Variants in SLCO6A1 observed in about 807,000 individuals in gnomAD.
SLCO6A1 encodes cancer/testis antigen 48.
In SLCO6A1, 65 loss-of-function variants were observed where a neutral mutation model predicts 72.7. That is an observed-to-expected ratio of 0.89 (90% confidence interval 0.73 to 1.10). The LOEUF (loss-of-function observed/expected upper bound fraction) is 1.10, where lower values mean the gene tolerates loss of function less well. SLCO6A1 is among the 50% of genes least tolerant of loss of function. SLCO6A1 has a pLI of 0.00. For missense variants in SLCO6A1, 874 were observed against 872.6 expected, an observed-to-expected ratio of 1.00 and a Z score of -0.02; for synonymous variants, 314 against 298.2, an observed-to-expected ratio of 1.05 and a Z score of -0.55.
intron 1 of SLCO6A1, among the ~76,000 whole-genome samples, chr5:102,492,657 C>T (rs560778402): frequency 1.2e-4 from 19 of 152,228 alleles, no homozygotes; most frequent in South Asian, 6.2e-4. Context: ...CGGTGACAGA[C>T]GGCACCTGGA....
At chr5:102,384,664 C>A (rs1580328442) in intron 12 of SLCO6A1, among the ~76,000 whole-genome samples, 1 of 152,120 alleles carries the variant, frequency 6.6e-6, no homozygotes, top group African/African-American at 2.4e-5. Flanking sequence ...ATTTACTTAA[C>A]ATATTACTGT....
intron 9 of SLCO6A1, among the ~76,000 whole-genome samples, chr5:102,406,139 C>G (rs1283694065): frequency 6.7e-6 from 1 of 150,308 alleles, no homozygotes; most frequent in Non-Finnish European, 1.5e-5. Context: ...ATACTGATAA[C>G]TCTATTAAAT....
chr5:102,476,084 A>C (rs1751884405), intron 3 of SLCO6A1, among the ~76,000 whole-genome samples: 1 of 152,076 alleles, frequency 6.6e-6, no homozygotes, highest in Non-Finnish European at 1.5e-5. Flanking sequence ...TGAGGGATAA[A>C]AGACTGCACA....
chr5:102,485,159 G>A (rs575501368), intron 1 of SLCO6A1, among the ~76,000 whole-genome samples: 3 of 152,208 alleles, frequency 2.0e-5, no homozygotes, highest in Non-Finnish European at 2.9e-5. Flanking sequence ...ACTGAGGCAG[G>A]AGAATCGTTT....
chr5:102,480,154 G>T (rs1752113080), intron 2 of SLCO6A1, 23 bp downstream of exon 2: 1 of 1,573,876 alleles, frequency 6.4e-7, no homozygotes, highest in South Asian at 1.2e-5. Context: ...TTTGATGTAT[G>T]ACAGTATATT....
At chr5:102,382,954 G>GAT (rs149196809) in intron 12 of SLCO6A1, among the ~76,000 whole-genome samples, 4 of 141,578 alleles carry the variant, frequency 2.8e-5, no homozygotes, top group African/African-American at 1.1e-4. Flanking sequence ...ATATATGAGA[G>GAT]ATATATATAT....
At chr5:102,401,962 A>G (rs1747421112) in intron 9 of SLCO6A1, among the ~76,000 whole-genome samples, 1 of 152,116 alleles carries the variant, frequency 6.6e-6, no homozygotes, top group African/African-American at 2.4e-5. Flanking sequence ...TTTTAGCCAT[A>G]CAAGATGGCT....
chr5:102,383,095 A>ATATATAT (rs1554064835), intron 12 of SLCO6A1, among the ~76,000 whole-genome samples: 2,582 of 128,552 alleles, frequency 0.02, 137 homozygotes, highest in African/African-American at 0.071. Context: ...TATGTGTGTG[A>ATATATAT]ATATATATAT....
At chr5:102,404,324 T>C (rs888628376) in intron 9 of SLCO6A1, among the ~76,000 whole-genome samples, 1 of 152,070 alleles carries the variant, frequency 6.6e-6, no homozygotes, top group Admixed American at 6.5e-5. Flanking sequence ...TGAAACCCCA[T>C]CTCTACTAAA....
intron 6 of SLCO6A1, among the ~76,000 whole-genome samples, chr5:102,439,050 T>A (rs1277322384): frequency 6.6e-6 from 1 of 151,988 alleles, no homozygotes; most frequent in Non-Finnish European, 1.5e-5. Flanking sequence ...GGCTTGGAAT[T>A]TTTTTGTAAA....
intron 6 of SLCO6A1, among the ~76,000 whole-genome samples, chr5:102,445,459 T>G (rs1750057869): frequency 2.0e-5 from 3 of 152,122 alleles, no homozygotes; most frequent in African/African-American, 7.2e-5. Flanking sequence ...TGCTGATTTG[T>G]TTGAGTTATT....
intron 7 of SLCO6A1, among the ~76,000 whole-genome samples, chr5:102,426,751 A>G (rs537685366): frequency 7.2e-5 from 11 of 152,354 alleles, no homozygotes; most frequent in African/African-American, 2.6e-4. Context: ...TATTTGGCCC[A>G]GCAATCCCAT....
chr5:102,407,585 A>C (rs1278588783), intron 9 of SLCO6A1, among the ~76,000 whole-genome samples: 1 of 152,206 alleles, frequency 6.6e-6, no homozygotes, highest in Non-Finnish European at 1.5e-5. Context: ...ACTTTAAGAA[A>C]GAAAGGCTAT....
intron 8 of SLCO6A1, among the ~76,000 whole-genome samples, chr5:102,416,328 TA>T (rs935780927): frequency 1.6e-4 from 25 of 151,896 alleles, no homozygotes; most frequent in Admixed American, 3.9e-4. Context: ...ATGATTGAAT[TA>T]AAAAATGTGA....
At chr5:102,444,182 T>A (rs77625476) in intron 6 of SLCO6A1, among the ~76,000 whole-genome samples, 1 of 152,008 alleles carries the variant, frequency 6.6e-6, no homozygotes, top group African/African-American at 2.4e-5. Context: ...AGTCCTCTAA[T>A]AGAAGTCAAA....
chr5:102,410,548 G>A (rs1747920322), intron 9 of SLCO6A1, among the ~76,000 whole-genome samples: 1 of 152,164 alleles, frequency 6.6e-6, no homozygotes, highest in Non-Finnish European at 1.5e-5. Flanking sequence ...GTGAAAGTTG[G>A]AGTAGATAGT....
intron 12 of SLCO6A1, among the ~76,000 whole-genome samples, chr5:102,376,543 G>GA (rs1214299834): frequency 1.3e-5 from 2 of 151,694 alleles, no homozygotes; most frequent in Admixed American, 6.6e-5. Flanking sequence ...AATATCTAAA[G>GA]AAAAAAATGG....
chr5:102,476,481 T>C (rs1321816084), intron 3 of SLCO6A1, among the ~76,000 whole-genome samples: 1 of 152,098 alleles, frequency 6.6e-6, no homozygotes, highest in Non-Finnish European at 1.5e-5. Flanking sequence ...GAAATCAGTT[T>C]TGCTCAAAAT....
intron 10 of SLCO6A1, among the ~76,000 whole-genome samples, chr5:102,392,567 TACAAA>T (rs1349858826): frequency 6.6e-6 from 1 of 152,028 alleles, no homozygotes; most frequent in Non-Finnish European, 1.5e-5. Context: ...CTTTCTAACA[TACAAA>T]ACAAGATGAA....
Sources: gnomAD v4.1 joint callset for allele counts (sites outside exome capture counted in the v4.1 genomes callset) on GRCh38, gnomAD v4.1.1 for gene constraint, MANE v1.5 for transcripts, NCBI Gene and HGNC (gene_info 2026-07-23, HGNC 2026-07-21) for gene names.